C17orf50: variants seen among roughly 807,000 people sequenced by gnomAD.
The protein encoded by C17orf50 is plakoglobin binding and degradation factor, also known as uncharacterized protein C17orf50.
A neutral mutation model predicts 17.7 loss-of-function variants in C17orf50; 16 were observed. The observed-to-expected ratio is 0.90, with a 90% CI of 0.61 to 1.37. The LOEUF is 1.37. C17orf50 is among the 40% of genes most tolerant of loss of function. C17orf50 has a pLI of 0.00. For synonymous variants in C17orf50, 125 were observed against 111.0 expected (o/e 1.13, Z -0.80); for missense variants, 271 against 240.7 (o/e 1.13, Z -0.83).
At position 35,764,378 on chromosome 17, in the gene C17orf50, G is replaced by A. The variant is rs1393159698; in HGVS notation, c.333-48G>A. 8.9e-6 allele frequency: 13 copies of A among 1,461,300 alleles called. No homozygotes were observed. The Admixed American group carries it at 1.0e-4, about 12-fold the overall frequency. The allele number at this position is 1,461,300 out of a possible 1,614,324, so 90.5% of individuals were successfully genotyped here. On this transcript the variant is annotated intron_variant, in intron 2 of 2. Transcript: ENST00000605587. ...CGAGGGAGGCGGTGCCCGGGCCCCA[G>A]GGAGGAGGGGCTGCCCCAGGCACTG...
intron 1 of C17orf50, 39 bp from the exon 2 acceptor site, chr17:35,763,968 G>C (rs1199566146): frequency 7.2e-7 from 1 of 1,398,240 alleles, no homozygotes; most frequent in South Asian, 1.7e-5. Context: ...CCCTTTCTCG[G>C]GGACAGCAGG....
intron 1 of C17orf50, 84 bp from the exon 2 acceptor site, chr17:35,763,923 A>C (rs1330150490): frequency 1.0e-6 from 1 of 975,624 alleles, no homozygotes. Context: ...TAAATAAATA[A>C]ATAAATAAAT....
intron 1 of C17orf50, among the ~76,000 whole-genome samples, chr17:35,761,742 T>C (rs2085824993): frequency 6.6e-6 from 1 of 152,182 alleles, no homozygotes; most frequent in South Asian, 2.1e-4. Context: ...TCTACAAGAA[T>C]GTTCAGCGGC....
chr17:35,762,218 G>A (rs998787566), intron 1 of C17orf50, among the ~76,000 whole-genome samples: 4 of 152,128 alleles, frequency 2.6e-5, no homozygotes, highest in Middle Eastern at 3.4e-3. Flanking sequence ...TCGAACTCCC[G>A]ACCTCAGGTG....
At chr17:35,762,981 G>A (rs1179303650) in intron 1 of C17orf50, among the ~76,000 whole-genome samples, 2 of 152,064 alleles carry the variant, frequency 1.3e-5, no homozygotes, top group African/African-American at 4.8e-5. Context: ...AATTAGCTGG[G>A]CGTGGTGGCG....
Position 35,764,282 on chromosome 17 carries a change from G to T in C17orf50, c.289G>T (p.Gly97Cys). The change falls in exon 2 of 3, where the codon GGC becomes TGC. Residue 97 changes from glycine to cysteine, a missense_variant. Coordinates refer to ENST00000605587, the MANE Select transcript of C17orf50 (RefSeq NM_145272.4). ...RADSGFWGWLGPLALLGGLTA... is the reference protein window; with the variant it reads ...RADSGFWGWLCPLALLGGLTA... Reference sequence around the variant, plus strand: ...GGACAGCGGCTTCTGGGGCTGGCTCGGCCCCTTAGCGCTGCTGGGCGGCCT... The same window carrying T: ...GGACAGCGGCTTCTGGGGCTGGCTCTGCCCCTTAGCGCTGCTGGGCGGCCT... The T allele has an allele frequency of 1.3e-6, 2 of 1,532,858 alleles. No individual in the cohort carries two copies. The highest frequency in any genetic ancestry group is 1.2e-5 in the South Asian group (1 of 81,868). The allele number at this position is 1,532,858 out of a possible 1,614,324, so 95.0% of individuals were successfully genotyped here.
chr17:35,763,122 CAA>C lies in C17orf50; in HGVS notation c.14-869_14-868del, dbSNP rs56180495. ...GGGCGACAGAGCGAGACTCCGTCTC[CAA>C]AAAAAAAAAAAAAAATGGGATCAGT... On this transcript the variant is annotated intron_variant, in intron 1 of 2. Transcript: ENST00000605587. Among the ~76,000 whole-genome samples, 721 of 103,050 alleles carry C rather than the reference CAA, an allele frequency of 7.0e-3. 6 individuals carry two copies. The highest frequency in any genetic ancestry group is 0.038 in the South Asian group (126 of 3,340). 67.6% of individuals were successfully genotyped at this position (103,050 alleles called of 152,430 possible). A position where few individuals can be genotyped will look rare whatever the true frequency, so the allele number is the denominator to read the frequency against.
rs587665495 is a variant in C17orf50, at chr17:35,762,834, T to TG, written c.14-1170dup. Among the ~76,000 whole-genome samples, 448 of 152,114 alleles carry TG rather than the reference T, an allele frequency of 2.9e-3. 2 individuals carry two copies. Among genetic ancestry groups the TG allele is most frequent in the Admixed American group, 7.7e-3 (118 of 15,258 alleles). On this transcript the variant is annotated intron_variant, in intron 1 of 2. Transcript: ENST00000605587. ...TTCTGTAAATAACCACCTATTAAAATGGGATCAGTGGCCAGGCGCGGTGGC... is the reference window on the plus strand; with the variant it reads ...TTCTGTAAATAACCACCTATTAAAATGGGGATCAGTGGCCAGGCGCGGTGGC...
intron 1 of C17orf50, 21 bp downstream of exon 1, chr17:35,760,975 G>A (rs1419962834): frequency 6.2e-7 from 1 of 1,610,260 alleles, no homozygotes; most frequent in Non-Finnish European, 8.5e-7. Context: ...CTGGAGGCAG[G>A]GTGGGGCTGG....
intron 1 of C17orf50, among the ~76,000 whole-genome samples, chr17:35,763,632 C>T (rs1374597665): frequency 1.3e-5 from 2 of 151,744 alleles, no homozygotes; most frequent in Non-Finnish European, 2.9e-5. Context: ...TGCAGTGACT[C>T]ACGCCTGTAA....
chr17:35,764,306 C>T lies in C17orf50; in HGVS notation c.313C>T (p.Leu105=), dbSNP rs782278591. ...CGGCCCCTTAGCGCTGCTGGGCGGC[C>T]TAACAGCTCCCACCGACAGGTGCCT... The part of the protein sequence containing the change: ...WLGPLALLGG[L]TAPTDRKRSL... The change falls in exon 2 of 3, where the codon CTA becomes TTA. Residue 105 remains leucine, a synonymous_variant. Coordinates refer to ENST00000605587, the MANE Select transcript of C17orf50 (RefSeq NM_145272.4). 1.6e-5 allele frequency: 24 copies of T among 1,494,742 alleles called. No individual in the cohort carries two copies. The highest frequency in any genetic ancestry group is 9.1e-5 in the South Asian group (7 of 76,822). 92.6% of individuals were successfully genotyped at this position (1,494,742 alleles called of 1,614,324 possible).
At position 35,764,220 on chromosome 17, in the gene C17orf50, AGT is replaced by A; in HGVS notation, c.228_229del (p.Glu76AspfsTer91). 2.6e-6 allele frequency: 4 copies of A among 1,545,752 alleles called. No individual in the cohort carries two copies. Among genetic ancestry groups the A allele is most frequent in the Admixed American group, 2.0e-5 (1 of 50,826 alleles). ...GTGTCCTACTGCCCGCTGCGCCAGG[AGT>A]CCAGCACCCAGCAGGTGGCGCTGCT... On this transcript the variant is annotated frameshift_variant, in exon 2 of 3. Coordinates refer to ENST00000605587, the MANE Select transcript of C17orf50 (RefSeq NM_145272.4). LOFTEE classifies it high-confidence loss of function.
In C17orf50 at chr17:35,764,021, T is replaced by G; in HGVS notation, c.28T>G (p.Leu10Val). ...CCGGCCCGCAGGTGTGAAGACCCCC[T>G]TGTGGAAGAAGGAAACGGAAGAGCT... MDKHGVKTP[L>V]WKKETEELRA... Residue 10 changes from leucine to valine, a missense_variant, in exon 2 of 3, where the codon TTG becomes GTG. Physicochemically the swap from Leu to Val is conservative, Grantham distance 32 (BLOSUM62 1). Coordinates refer to ENST00000605587, the MANE Select transcript of C17orf50 (RefSeq NM_145272.4). The G allele has an allele frequency of 1.3e-6, 2 of 1,544,996 alleles. No individual in the cohort carries two copies. Among genetic ancestry groups the G allele is most frequent in the Non-Finnish European group, 1.7e-6 (2 of 1,143,386 alleles).
chr17:35,763,183 A>C (rs1291619030), intron 1 of C17orf50, among the ~76,000 whole-genome samples: 2 of 151,864 alleles, frequency 1.3e-5, no homozygotes, highest in Non-Finnish European at 2.9e-5. Flanking sequence ...CTGTGATCCC[A>C]GCACTTTAGG....
chr17:35,764,267 T>C lies in C17orf50; in HGVS notation c.274T>C (p.Phe92Leu). Residue 92 changes from phenylalanine to leucine, a missense_variant, in exon 2 of 3, where the codon TTC becomes CTC. Phe to Leu is a conservative substitution (Grantham distance 22, BLOSUM62 0). Transcript: ENST00000605587. ...VALLRRADSG[F>L]WGWLGPLALL... ...GCTGCTGCGGCGCGCGGACAGCGGC[T>C]TCTGGGGCTGGCTCGGCCCCTTAGC... 1.3e-6 allele frequency: 2 copies of C among 1,538,192 alleles called. No homozygotes were observed. Among genetic ancestry groups the C allele is most frequent in the Admixed American group, 4.0e-5 (2 of 50,380 alleles).
chr17:35,762,765 A>G (rs1187408746), intron 1 of C17orf50, among the ~76,000 whole-genome samples: 1 of 152,112 alleles, frequency 6.6e-6, no homozygotes, highest in Non-Finnish European at 1.5e-5. Context: ...TCCTTAAGGC[A>G]AGGCCCACTT....
chr17:35,764,396 A>G lies in C17orf50; in HGVS notation c.333-30A>G, dbSNP rs1434774951. The G allele has an allele frequency of 6.0e-6, 9 of 1,503,522 alleles. No homozygotes were observed. In the South Asian group the frequency reaches 6.4e-5, roughly 11 times the overall value. 93.1% of individuals were successfully genotyped at this position (1,503,522 alleles called of 1,614,324 possible). A position where few individuals can be genotyped will look rare whatever the true frequency, so the allele number is the denominator to read the frequency against. ...GGCCCCAGGGAGGAGGGGCTGCCCC[A>G]GGCACTGAGCGCCTGGTCCCCGCCG... On this transcript the variant is annotated intron_variant, in intron 2 of 2. Transcript: ENST00000605587.
At chr17:35,762,072 C>A (rs1172209342) in intron 1 of C17orf50, among the ~76,000 whole-genome samples, 4 of 152,084 alleles carry the variant, frequency 2.6e-5, no homozygotes, top group Admixed American at 2.6e-4. Context: ...TAAACCACAA[C>A]CTCCGACCCC....
Position 35,764,784 on chromosome 17 carries a change from T to C in C17orf50, c.*166T>C. 1.4e-6 allele frequency: 1 copy of C among 728,920 alleles called. No homozygotes were observed. Among genetic ancestry groups the C allele is most frequent in the South Asian group, 2.2e-5 (1 of 44,450 alleles). 45.2% of individuals were successfully genotyped at this position (728,920 alleles called of 1,614,324 possible). A position where few individuals can be genotyped will look rare whatever the true frequency, so the allele number is the denominator to read the frequency against. Reference sequence around the variant, plus strand: ...ATCCGTCAAGAAGGCCCACTGTTGGTGCTTGGTTCCCATCTGTCACCTAGC... The same window carrying C: ...ATCCGTCAAGAAGGCCCACTGTTGGCGCTTGGTTCCCATCTGTCACCTAGC... On this transcript the variant is annotated 3_prime_UTR_variant, in exon 3 of 3. Coordinates refer to ENST00000605587, the MANE Select transcript of C17orf50 (RefSeq NM_145272.4).
Sources: allele counts gnomAD v4.1 joint callset (sites outside exome capture counted in the v4.1 genomes callset), GRCh38; gene constraint gnomAD v4.1.1; transcripts MANE v1.5; gene names NCBI Gene and HGNC (gene_info 2026-07-23, HGNC 2026-07-21).